The following HOMER1 variants were observed in gnomAD, a reference collection of about 807,000 sequenced individuals.
HOMER1 encodes the protein homer scaffold protein 1, also known as homer protein homolog 1.
A neutral mutation model predicts 48.9 loss-of-function variants in HOMER1; 3 were observed. That is an observed-to-expected ratio of 0.06 (90% confidence interval 0.03 to 0.16). The LOEUF (loss-of-function observed/expected upper bound fraction) is 0.16. HOMER1 is among the 10% of genes least tolerant of loss of function. The pLI is 1.00. For synonymous variants in HOMER1, 134 were observed against 146.4 expected (o/e 0.92, Z 0.61); for missense variants, 247 against 411.4 (o/e 0.60, Z 3.46).
chr5:79,500,959 G>C (rs796131341), intron 1 of HOMER1, among the ~76,000 whole-genome samples: 8 of 129,946 alleles, frequency 6.2e-5, no homozygotes, highest in African/African-American at 2.1e-4. Context: ...GTGTGAGACA[G>C]ACAGACACAC....
intron 1 of HOMER1, among the ~76,000 whole-genome samples, chr5:79,479,601 G>A (rs970065996): frequency 2.0e-5 from 3 of 152,146 alleles, no homozygotes; most frequent in African/African-American, 7.2e-5. Flanking sequence ...GAAGGAGTGT[G>A]GGCTTCTCAC....
At chr5:79,406,748 C>T in intron 5 of HOMER1, among the ~76,000 whole-genome samples, 1 of 152,138 alleles carries the variant, frequency 6.6e-6, no homozygotes, top group East Asian at 1.9e-4. Flanking sequence ...GTGAGAGGAA[C>T]AGAAAATAGT....
chr5:79,456,728 T>C, intron 2 of HOMER1, 134 bp downstream of exon 2: 1 of 753,622 alleles, frequency 1.3e-6, no homozygotes, highest in Non-Finnish European at 2.1e-6. Flanking sequence ...ATAATCCATT[T>C]TGTTTCTTAA....
At chr5:79,486,933 A>C (rs1752121065) in intron 1 of HOMER1, among the ~76,000 whole-genome samples, 1 of 152,258 alleles carries the variant, frequency 6.6e-6, no homozygotes. Flanking sequence ...ATTTGACAGC[A>C]AAGTACCCTT....
Position 79,402,038 on chromosome 5 carries a change from T to A in HOMER1, c.545A>T (p.His182Leu). Residue 182 changes from histidine (H) to leucine (L), a missense_variant, in exon 6 of 9, where the codon CAT becomes CTT. His to Leu is a moderately conservative substitution (Grantham distance 99). Transcript: ENST00000334082. ...PFSHSSAISK[H>L]WEAELATLKG... ...GAGGGTAGCCAGTTCAGCCTCCCAA[T>A]GTTTGCTGATTGCTGAACTAAAATA... 1 of 1,613,466 alleles carries A rather than the reference T, an allele frequency of 6.2e-7. No individual in the cohort carries two copies. The highest frequency in any genetic ancestry group is 2.2e-5 in the East Asian group (1 of 44,864).
chr5:79,410,885 T>C (rs1749798261), intron 5 of HOMER1, among the ~76,000 whole-genome samples: 1 of 152,026 alleles, frequency 6.6e-6, no homozygotes, highest in South Asian at 2.1e-4. Context: ...ATTTGGTTTC[T>C]TTTTTATAGG....
intron 8 of HOMER1, among the ~76,000 whole-genome samples, chr5:79,391,376 C>T (rs543255187): frequency 2.6e-4 from 39 of 151,954 alleles, no homozygotes; most frequent in African/African-American, 5.3e-4. Flanking sequence ...GCAATCTTCC[C>T]GCCGTGGTCT....
At position 79,510,465 on chromosome 5, in the gene HOMER1, A is replaced by T. The variant is rs577524992; in HGVS notation, c.5+2305T>A. 3.5e-5 allele frequency: 24 copies of T among 688,538 alleles called. No homozygotes were observed. The East Asian group carries it at 7.2e-4, about 21-fold the overall frequency. 42.7% of individuals were successfully genotyped at this position (688,538 alleles called of 1,614,324 possible). On this transcript the variant is annotated intron_variant, in intron 1 of 8. Transcript: ENST00000334082. ...AAGTCCAAGAACCACACCACACACA[A>T]CCAGTCCCAAAAATGGCACAGAAAT... is the stretch of plus-strand genomic sequence containing the variant.
intron 4 of HOMER1, among the ~76,000 whole-genome samples, chr5:79,443,809 C>A (rs1015167798): frequency 6.6e-6 from 1 of 152,094 alleles, no homozygotes; most frequent in African/African-American, 2.4e-5. Flanking sequence ...TCTAGAACTC[C>A]CATTATTAAC....
chr5:79,423,021 T>A (rs1673077579), intron 5 of HOMER1, among the ~76,000 whole-genome samples: 5 of 152,118 alleles, frequency 3.3e-5, no homozygotes, highest in Admixed American at 3.3e-4. Context: ...AGTCTAGAAC[T>A]TACATCAAGG....
rs930546629 is a variant in HOMER1 at position 79,373,384 on chromosome 5, C to T, written c.*2625G>A. 4.6e-5 allele frequency: 7 copies of T among 151,676 alleles called. No individual in the cohort carries two copies. The highest frequency in any genetic ancestry group is 1.7e-4 in the African/African-American group (7 of 41,330). The allele number at this position is 151,676 out of a possible 1,614,324, so 9.4% of individuals were successfully genotyped here. A position where few individuals can be genotyped will look rare whatever the true frequency, so the allele number is the denominator to read the frequency against. ...TTATACACAATGGGATCAACCTCCT[C>T]CTCCATGTCGCTTCAAGTCCACATG... is the stretch of plus-strand genomic sequence containing the variant. On this transcript the variant is annotated 3_prime_UTR_variant, in exon 9 of 9. Transcript: ENST00000334082.
At position 79,514,075 on chromosome 5, in the gene HOMER1, G is replaced by A. The variant is rs187754980; in HGVS notation, c.-1301C>T. ...CTCCGCCGGCCGGCCGGCTGGCAGA[G>A]AAGAGGGTGCTGCTTTCCCGGTCAG... On this transcript the variant is annotated 5_prime_UTR_variant, in exon 1 of 9. Transcript: ENST00000334082. 25 of 152,356 alleles carry A rather than the reference G, an allele frequency of 1.6e-4. No individual in the cohort carries two copies. Among genetic ancestry groups the A allele is most frequent in the Admixed American group, 5.9e-4 (9 of 15,294 alleles). 9.4% of individuals were successfully genotyped at this position (152,356 alleles called of 1,614,324 possible).
chr5:79,401,989 A>G lies in HOMER1; in HGVS notation c.594T>C (p.Thr198=). 1 of 1,614,010 alleles carries G rather than the reference A, an allele frequency of 6.2e-7. No homozygotes were observed. Among genetic ancestry groups the G allele is most frequent in the South Asian group, 1.1e-5 (1 of 91,072 alleles). ...ATLKGNNAKL[T]AALLESTANV... Reference sequence around the variant, plus strand: ...TGGCAGTGGACTCCAGCAGGGCTGCAGTGAGTTTGGCATTATTTCCTTTGA... The same window carrying G: ...TGGCAGTGGACTCCAGCAGGGCTGCGGTGAGTTTGGCATTATTTCCTTTGA... Residue 198 remains threonine, a synonymous_variant, in exon 6 of 9, where the codon ACT becomes ACC. Transcript: ENST00000334082.
At chr5:79,452,924 G>T (rs1751068771) in intron 2 of HOMER1, among the ~76,000 whole-genome samples, 1 of 152,104 alleles carries the variant, frequency 6.6e-6, no homozygotes, top group Non-Finnish European at 1.5e-5. Flanking sequence ...ATCAAATGAA[G>T]TCATCAAATG....
At chr5:79,473,635 T>C (rs1580007311) in intron 1 of HOMER1, among the ~76,000 whole-genome samples, 2 of 152,162 alleles carry the variant, frequency 1.3e-5, no homozygotes, top group East Asian at 1.9e-4. Flanking sequence ...CAGCCTCTCA[T>C]TATATGAAAG....
At chr5:79,502,772 T>C (rs1031700857) in intron 1 of HOMER1, among the ~76,000 whole-genome samples, 3 of 152,182 alleles carry the variant, frequency 2.0e-5, no homozygotes, top group African/African-American at 7.2e-5. Flanking sequence ...TGACCCATGC[T>C]CAGTAAAAAA....
chr5:79,503,578 C>T (rs1426247821), intron 1 of HOMER1, among the ~76,000 whole-genome samples: 5 of 150,240 alleles, frequency 3.3e-5, no homozygotes, highest in Admixed American at 1.3e-4. Flanking sequence ...CCATGGCTCA[C>T]GCCTGTAATC....
intron 1 of HOMER1, among the ~76,000 whole-genome samples, chr5:79,465,953 T>C (rs12522716): frequency 0.099 from 15,006 of 152,144 alleles, 957 homozygotes; most frequent in South Asian, 0.21. Context: ...TGGTATTAGT[T>C]ATTAAGAGAT....
rs1412933049 is a variant in HOMER1, at chr5:79,374,217, C to A, written c.*1792G>T. ...ATCAGAGAAATATCTCAGCTCTGAG[C>A]ATGTGTATCTAAATTATTCTCCCTA... On this transcript the variant is annotated 3_prime_UTR_variant, in exon 9 of 9. Transcript: ENST00000334082. 1 of 152,356 alleles carries A rather than the reference C, an allele frequency of 6.6e-6. No homozygotes were observed. Among genetic ancestry groups the A allele is most frequent in the Non-Finnish European group, 1.5e-5 (1 of 67,862 alleles). The allele number at this position is 152,356 out of a possible 1,614,324, so 9.4% of individuals were successfully genotyped here.
Sources: gnomAD v4.1 joint callset for allele counts (sites outside exome capture counted in the v4.1 genomes callset) on GRCh38, gnomAD v4.1.1 for gene constraint, MANE v1.5 for transcripts, NCBI Gene and HGNC (gene_info 2026-07-23, HGNC 2026-07-21) for gene names.